Variants in MAP4 observed in about 807,000 individuals in gnomAD.
The protein encoded by MAP4 is microtubule associated protein 4, also known as microtubule-associated protein 4.
Under a neutral mutation model 170.2 loss-of-function variants are expected in MAP4, and 76 were observed. That is an observed-to-expected ratio of 0.45 (90% CI 0.37 to 0.54). The LOEUF (loss-of-function observed/expected upper bound fraction) is 0.54. Among genes scored for constraint, MAP4 ranks in the 20% least tolerant of loss-of-function variants. The pLI, the probability that MAP4 is intolerant of heterozygous loss-of-function variation, is 0.00. For missense variants in MAP4, 2,506 were observed against 2,748.0 expected (o/e 0.91, Z 1.97); for synonymous variants, 909 against 994.5 (o/e 0.91, Z 1.62).
intron 1 of MAP4, among the ~76,000 whole-genome samples, chr3:48,001,443 C>A (rs917169318): frequency 3.3e-5 from 5 of 152,252 alleles, no homozygotes; most frequent in African/African-American, 1.2e-4. Flanking sequence ...TTTGAAATAA[C>A]AACCTTAATT....
At chr3:48,012,118 G>A (rs1245415760) in intron 1 of MAP4, among the ~76,000 whole-genome samples, 1 of 152,174 alleles carries the variant, frequency 6.6e-6, no homozygotes, top group East Asian at 1.9e-4. Flanking sequence ...CCACCTTGGA[G>A]TGGTGTCTTC....
chr3:48,043,760 T>C (rs2100122869), intron 1 of MAP4, among the ~76,000 whole-genome samples: 1 of 152,030 alleles, frequency 6.6e-6, no homozygotes, highest in Non-Finnish European at 1.5e-5. Flanking sequence ...TACACAATAG[T>C]GCAAAACCGT....
At chr3:48,031,560 C>CA (rs979256331) in intron 1 of MAP4, among the ~76,000 whole-genome samples, 14 of 150,794 alleles carry the variant, frequency 9.3e-5, no homozygotes, top group Non-Finnish European at 5.9e-5. Context: ...CAAAAAAAAA[C>CA]AAAAAAACAA....
intron 3 of MAP4, among the ~76,000 whole-genome samples, chr3:47,955,314 T>C (rs1366995228): frequency 3.9e-5 from 6 of 152,110 alleles, no homozygotes; most frequent in Non-Finnish European, 8.8e-5. Context: ...AGCACATTGC[T>C]TTTACCTGCC....
chr3:47,927,049 T>C (rs1219005511), intron 4 of MAP4, among the ~76,000 whole-genome samples: 3 of 150,928 alleles, frequency 2.0e-5, no homozygotes, highest in Non-Finnish European at 2.9e-5. Context: ...ATTCCAGCTA[T>C]ATGGGAGGCT....
chr3:47,972,931 C>G, intron 3 of MAP4: 1 of 743,308 alleles, frequency 1.3e-6, no homozygotes, highest in African/African-American at 1.9e-5. Flanking sequence ...AGTGAAAATG[C>G]TTGACAAAAA....
At chr3:47,914,645 A>G (rs1212896673) in intron 8 of MAP4, among the ~76,000 whole-genome samples, 172 bp downstream of exon 8, 2 of 152,172 alleles carry the variant, frequency 1.3e-5, no homozygotes, top group Admixed American at 6.5e-5. Context: ...TTTTAAAGAT[A>G]TAACAAGCTG....
Position 47,852,575 on chromosome 3 carries a change from C to T in MAP4, c.*359G>A. The T allele has an allele frequency of 3.3e-6, 2 of 605,034 alleles. No individual in the cohort carries two copies. The highest frequency in any genetic ancestry group is 5.6e-6 in the Non-Finnish European group (2 of 358,330). The allele number at this position is 605,034 out of a possible 1,614,324, so 37.5% of individuals were successfully genotyped here. A position where few individuals can be genotyped will look rare whatever the true frequency, so the allele number is the denominator to read the frequency against. ...TGAGGATAGAATCTGGTTCTCCTCTCCTAGATCCCAACTTAGCCTCAACCA... is the reference window on the plus strand; with the variant it reads ...TGAGGATAGAATCTGGTTCTCCTCTTCTAGATCCCAACTTAGCCTCAACCA... On this transcript the variant is annotated 3_prime_UTR_variant, in exon 21 of 21. Transcript: ENST00000683076.
chr3:47,875,915 T>A lies in MAP4; in HGVS notation c.5542-15A>T. On this transcript the variant is annotated splice_polypyrimidine_tract_variant and intron_variant, in intron 11 of 20. Transcript: ENST00000683076. ...GTGGCCAAAGGCTTTAGGTTGATTG[T>A]TGTTTATTTTTTATTTTTATTTTTT... 2 of 1,557,222 alleles carry A rather than the reference T, an allele frequency of 1.3e-6. No individual in the cohort carries two copies. The highest frequency in any genetic ancestry group is 1.4e-5 in the African/African-American group (1 of 71,948).
intron 1 of MAP4, among the ~76,000 whole-genome samples, chr3:48,042,182 T>C (rs1356333366): frequency 1.3e-5 from 2 of 152,198 alleles, no homozygotes; most frequent in African/African-American, 2.4e-5. Flanking sequence ...ACAACTGGCA[T>C]GTGAAGTGTG....
At chr3:48,084,989 A>G (rs1244079954) in intron 1 of MAP4, among the ~76,000 whole-genome samples, 1 of 151,940 alleles carries the variant, frequency 6.6e-6, no homozygotes, top group Non-Finnish European at 1.5e-5. Flanking sequence ...ACTCCTAGCA[A>G]TAAGTCTACA....
At chr3:47,955,435 T>C (rs1195434146) in intron 3 of MAP4, among the ~76,000 whole-genome samples, 1 of 135,396 alleles carries the variant, frequency 7.4e-6, no homozygotes, top group South Asian at 2.6e-4. Context: ...AATAAGCACG[T>C]ACACACACAC....
At chr3:47,949,835 C>A (rs759106572) in intron 3 of MAP4, among the ~76,000 whole-genome samples, 1 of 152,152 alleles carries the variant, frequency 6.6e-6, no homozygotes, top group Non-Finnish European at 1.5e-5. Flanking sequence ...CCCGTGGCCT[C>A]ATGTGATGCG....
intron 3 of MAP4, among the ~76,000 whole-genome samples, chr3:47,952,376 T>C (rs1313531126): frequency 2.6e-4 from 40 of 152,086 alleles, no homozygotes. Flanking sequence ...CACCACCCAG[T>C]CTGGGAGGTG....
intron 1 of MAP4, among the ~76,000 whole-genome samples, chr3:48,060,377 T>G (rs181402632): frequency 1.3e-5 from 2 of 152,072 alleles, no homozygotes; most frequent in African/African-American, 4.8e-5. Flanking sequence ...GACCTAAATG[T>G]AAGATACGAA....
intron 3 of MAP4, among the ~76,000 whole-genome samples, chr3:47,941,614 A>T (rs987600477): frequency 6.7e-6 from 1 of 150,124 alleles, no homozygotes; most frequent in Admixed American, 6.6e-5. Flanking sequence ...AGTCTCTACT[A>T]AAAAAACAAA....
intron 2 of MAP4, among the ~76,000 whole-genome samples, chr3:47,993,335 A>G (rs1399526299): frequency 6.6e-6 from 1 of 152,132 alleles, no homozygotes; most frequent in African/African-American, 2.4e-5. Context: ...ACTCTGTCTC[A>G]AAAAAAGAAA....
At chr3:47,995,384 G>A (rs1180712445) in intron 2 of MAP4, among the ~76,000 whole-genome samples, 1 of 151,550 alleles carries the variant, frequency 6.6e-6, no homozygotes, top group African/African-American at 2.4e-5. Flanking sequence ...CTGAGTACCT[G>A]GGATTACAGG....
intron 3 of MAP4, among the ~76,000 whole-genome samples, chr3:47,966,581 A>G (rs1366440707): frequency 2.0e-5 from 3 of 151,750 alleles, no homozygotes; most frequent in Non-Finnish European, 2.9e-5. Flanking sequence ...AGGTCTTCCT[A>G]TAGTGCCTAG....
Sources: gnomAD v4.1 joint callset for allele counts (sites outside exome capture counted in the v4.1 genomes callset) on GRCh38, gnomAD v4.1.1 for gene constraint, MANE v1.5 for transcripts, NCBI Gene and HGNC (gene_info 2026-07-23, HGNC 2026-07-21) for gene names.